Variants in RAB6B observed in about 807,000 individuals in gnomAD.
RAB6B encodes the protein RAB6B, member RAS oncogene family.
Under a neutral mutation model 31.2 loss-of-function variants are expected in RAB6B, and 7 were observed. The ratio of observed to expected loss-of-function variants is 0.22; its 90% CI spans 0.13 to 0.42. The LOEUF (loss-of-function observed/expected upper bound fraction) is 0.42, where lower values mean the gene tolerates loss of function less well. RAB6B is among the 10% of genes least tolerant of loss of function. The pLI is 1.00. For missense variants in RAB6B, 149 were observed against 280.6 expected, an observed-to-expected ratio of 0.53 and a Z score of 3.35; for synonymous variants, 105 against 104.9, an observed-to-expected ratio of 1.00 and a Z score of -0.01.
At position 133,895,832 on chromosome 3, in the gene RAB6B, C is replaced by T. The variant is rs1251238246; in HGVS notation, c.-366G>A. ...GGCGGAGGAGCGCTCTCCAGAGCCG[C>T]GCCAGTCGGCCCCCTCCCGCCTGCC... On this transcript the variant is annotated 5_prime_UTR_variant, in exon 1 of 8. Transcript: ENST00000285208. 8.9e-6 allele frequency: 2 copies of T among 225,876 alleles called. No individual in the cohort carries two copies. Among genetic ancestry groups the T allele is most frequent in the Non-Finnish European group, 1.7e-5 (2 of 116,348 alleles). The allele number at this position is 225,876 out of a possible 1,614,324, so 14.0% of individuals were successfully genotyped here.
At chr3:133,860,118 G>A (rs1936138696) in intron 2 of RAB6B, among the ~76,000 whole-genome samples, 1 of 152,226 alleles carries the variant, frequency 6.6e-6, no homozygotes, top group African/African-American at 2.4e-5. Flanking sequence ...ATTGGGATCA[G>A]ACTGGGAGGT....
chr3:133,841,418 C>A (rs1200309916), intron 3 of RAB6B, 28 bp from the exon 4 acceptor site: 2 of 1,610,772 alleles, frequency 1.2e-6, no homozygotes, highest in Non-Finnish European at 1.7e-6. Context: ...GGACCATGGG[C>A]AGAGGGGTCA....
At chr3:133,863,012 A>C (rs1000732212) in intron 2 of RAB6B, among the ~76,000 whole-genome samples, 2 of 152,254 alleles carry the variant, frequency 1.3e-5, no homozygotes, top group African/African-American at 4.8e-5. Flanking sequence ...TGCAGCTGTC[A>C]TCTTGAATTC....
intron 4 of RAB6B, 54 bp from the exon 5 acceptor site, chr3:133,839,671 G>T: frequency 7.5e-7 from 1 of 1,333,912 alleles, no homozygotes; most frequent in Non-Finnish European, 1.1e-6. Flanking sequence ...ACCAGTGGGA[G>T]ATGGGAAGGG....
chr3:133,842,864 A>G (rs1236671001), intron 2 of RAB6B, among the ~76,000 whole-genome samples: 2 of 152,202 alleles, frequency 1.3e-5, no homozygotes, highest in Non-Finnish European at 2.9e-5. Flanking sequence ...ACAGTACTAA[A>G]ATTAGAAAAA....
At position 133,832,652 on chromosome 3, in the gene RAB6B, C is replaced by T. The variant is rs9822056; in HGVS notation, c.562+1923G>A. 6.4e-3 allele frequency among the ~76,000 whole-genome samples: 981 copies of T among 152,344 alleles called. 6 individuals carry two copies. The highest frequency in any genetic ancestry group is 0.01 in the Non-Finnish European group (691 of 68,020). The stretch of plus-strand genomic sequence containing the variant: ...AATGACGGCTGCCTCTGCCTGGTCC[C>T]TCTGGGACCTCTGGTGGCCGCTCTA... On this transcript the variant is annotated intron_variant, in intron 7 of 7. Coordinates refer to ENST00000285208, the MANE Select transcript of RAB6B (RefSeq NM_016577.4).
chr3:133,841,867 T>A (rs1202318493), intron 2 of RAB6B, among the ~76,000 whole-genome samples: 1 of 152,108 alleles, frequency 6.6e-6, no homozygotes. Flanking sequence ...AAGATGAGGG[T>A]GGCCTTTATA....
intron 1 of RAB6B, among the ~76,000 whole-genome samples, chr3:133,883,181 C>T (rs1936492635): frequency 6.6e-6 from 1 of 152,294 alleles, no homozygotes; most frequent in South Asian, 2.1e-4. Flanking sequence ...AGCCAGACAG[C>T]CTTGGGGAGG....
chr3:133,839,300 G>C (rs1458364026), intron 5 of RAB6B, among the ~76,000 whole-genome samples: 1 of 152,214 alleles, frequency 6.6e-6, no homozygotes, highest in Non-Finnish European at 1.5e-5. Context: ...CCTGCCTGGT[G>C]GTGGAAGACA....
At chr3:133,835,701 G>A (rs1935724948) in intron 6 of RAB6B, among the ~76,000 whole-genome samples, 1 of 152,074 alleles carries the variant, frequency 6.6e-6, no homozygotes, top group Non-Finnish European at 1.5e-5. Flanking sequence ...AAAGAGGTGG[G>A]GCTTTAGGAG....
Position 133,895,557 on chromosome 3 carries a change from G to A in RAB6B, c.-91C>T. 2 of 1,355,230 alleles carry A rather than the reference G, an allele frequency of 1.5e-6. No individual in the cohort carries two copies. Among genetic ancestry groups the A allele is most frequent in the Non-Finnish European group, 2.1e-6 (2 of 965,490 alleles). The allele number at this position is 1,355,230 out of a possible 1,614,324, so 84.0% of individuals were successfully genotyped here. A position where few individuals can be genotyped will look rare whatever the true frequency, so the allele number is the denominator to read the frequency against. On this transcript the variant is annotated 5_prime_UTR_variant, in exon 1 of 8. Coordinates refer to ENST00000285208, the MANE Select transcript of RAB6B (RefSeq NM_016577.4). ...AGGAGGGCGAGGGGAGGCGGCCGGC[G>A]GTGCGGGAGCCGGAGGGGGAAGGGC...
rs1576399880 is a variant in RAB6B at position 133,855,509 on chromosome 3, A to T, written c.129+9075T>A. Among the ~76,000 whole-genome samples the T allele has an allele frequency of 2.0e-5, 3 of 152,346 alleles. No homozygotes were observed. The East Asian group carries it at 5.8e-4, about 29-fold the overall frequency. ...ACACCTTCAAATTTTAAATAAGGTT[A>T]AATTTCATCAATATCAGTGGGTCCC... On this transcript the variant is annotated intron_variant, in intron 2 of 7. Coordinates refer to ENST00000285208, the MANE Select transcript of RAB6B (RefSeq NM_016577.4).
intron 1 of RAB6B, chr3:133,885,676 A>G (rs1936535652): frequency 1.4e-6 from 1 of 701,028 alleles, no homozygotes; most frequent in South Asian, 1.5e-5. Context: ...CTGTGGAGAT[A>G]GGATGGACAG....
chr3:133,845,064 A>G (rs1935888585), intron 2 of RAB6B, among the ~76,000 whole-genome samples: 1 of 152,226 alleles, frequency 6.6e-6, no homozygotes. Flanking sequence ...CCAAATTAAA[A>G]GAACTTCAAA....
At chr3:133,835,107 G>C (rs187177922) in intron 6 of RAB6B, among the ~76,000 whole-genome samples, 3 of 152,222 alleles carry the variant, frequency 2.0e-5, no homozygotes, top group Admixed American at 2.0e-4. Context: ...CCAAGGCAGC[G>C]AACAGCAGGG....
chr3:133,884,177 C>A (rs1228725480), intron 1 of RAB6B, among the ~76,000 whole-genome samples: 1 of 152,220 alleles, frequency 6.6e-6, no homozygotes, highest in Non-Finnish European at 1.5e-5. Context: ...AAAGGAATAC[C>A]AAGGTGGTGC....
intron 1 of RAB6B, among the ~76,000 whole-genome samples, chr3:133,891,698 G>T (rs542742919): frequency 6.2e-4 from 94 of 152,336 alleles, no homozygotes; most frequent in African/African-American, 2.1e-3. Flanking sequence ...AAGGATACAT[G>T]AACAAATGAC....
intron 2 of RAB6B, among the ~76,000 whole-genome samples, chr3:133,856,252 T>A (rs1287193411): frequency 6.6e-6 from 1 of 151,904 alleles, no homozygotes; most frequent in Non-Finnish European, 1.5e-5. Context: ...CGGGAGGACA[T>A]AGGAGAGGAG....
chr3:133,874,073 G>T (rs894881651), intron 1 of RAB6B, among the ~76,000 whole-genome samples: 2 of 152,194 alleles, frequency 1.3e-5, no homozygotes. Flanking sequence ...CTCAAAAATG[G>T]CAGAGAAGAG....
Sources: allele counts gnomAD v4.1 joint callset (sites outside exome capture counted in the v4.1 genomes callset), GRCh38; gene constraint gnomAD v4.1.1; transcripts MANE v1.5; gene names NCBI Gene and HGNC (gene_info 2026-07-23, HGNC 2026-07-21).